ZIK1: variants seen among roughly 807,000 people sequenced by gnomAD.
ZIK1 encodes the protein zinc finger protein interacting with K protein 1, also known as zinc finger protein interacting with ribonucleoprotein K.
Under a neutral mutation model 10.7 loss-of-function variants are expected in ZIK1, and 12 were observed. That is an observed-to-expected ratio of 1.12 (90% CI 0.72 to 1.81). ZIK1 has a LOEUF of 1.81. Ranked by LOEUF, ZIK1 falls within the 40% of genes most tolerant of loss-of-function variation. The pLI, the probability that ZIK1 is intolerant of heterozygous loss-of-function variation, is 0.00. For missense variants in ZIK1, 497 were observed against 585.7 expected (o/e 0.85, Z 1.56); for synonymous variants, 190 against 205.0 (o/e 0.93, Z 0.63).
In ZIK1 at chr19:57,589,721, T is replaced by C. The variant is rs78542220; in HGVS notation, c.200-290T>C. The C allele has an allele frequency of 9.5e-4, 931 of 983,800 alleles. 12 individuals are homozygous for C. In the African/African-American group the frequency reaches 0.015, roughly 16 times the overall value. The allele number at this position is 983,800 out of a possible 1,614,324, so 60.9% of individuals were successfully genotyped here. On this transcript the variant is annotated intron_variant, in intron 3 of 3. Transcript: ENST00000597850. ...AAGACTATGTGGTGAGTTTTAGGAA[T>C]TGGAAGGCTACTCAAGGATAATTTT...
intron 3 of ZIK1, 148 bp downstream of exon 3, chr19:57,588,813 C>T (rs2123423750): frequency 2.3e-6 from 2 of 855,594 alleles, no homozygotes; most frequent in East Asian, 3.2e-5. Flanking sequence ...CTGGGAACAC[C>T]TGCTGCCCAG....
chr19:57,593,177 G>A lies in ZIK1; in HGVS notation c.*1902G>A, dbSNP rs1979846289. ...CTGCCTCAGCCTCCTGAGAAGCTAG[G>A]ACTACAGGCATGCACTACCACGCCC... On this transcript the variant is annotated 3_prime_UTR_variant, in exon 4 of 4. Transcript: ENST00000597850. The A allele has an allele frequency of 7.4e-6, 1 of 134,624 alleles. No homozygotes were observed. Among genetic ancestry groups the A allele is most frequent in the South Asian group, 2.2e-4 (1 of 4,464 alleles). 8.3% of individuals were successfully genotyped at this position (134,624 alleles called of 1,614,324 possible). A position where few individuals can be genotyped will look rare whatever the true frequency, so the allele number is the denominator to read the frequency against.
chr19:57,589,174 G>A, intron 3 of ZIK1: 1 of 733,354 alleles, frequency 1.4e-6, no homozygotes. Flanking sequence ...TGTCTTTCTG[G>A]TAGGACTTGG....
intron 2 of ZIK1, among the ~76,000 whole-genome samples, chr19:57,587,670 T>C (rs997180419): frequency 2.0e-5 from 3 of 152,158 alleles, no homozygotes; most frequent in African/African-American, 7.2e-5. Flanking sequence ...CCACCCAGTT[T>C]GTGGTATTAT....
In ZIK1 at chr19:57,588,596, C is replaced by G; in HGVS notation, c.130C>G (p.Leu44Val). ...CTTCTCACAGGACGAGTGGGGACTT[C>G]TTGATGAGGCTCAGAGACTCCTGTA... ...IYFSQDEWGL[L>V]DEAQRLLYLE... The change falls in exon 3 of 4, where the codon CTT (leucine) becomes GTT (valine). Residue 44 changes from leucine (L) to valine (V), a missense_variant. Coordinates refer to ENST00000597850, the MANE Select transcript of ZIK1 (RefSeq NM_001010879.4). 1 of 1,585,236 alleles carries G rather than the reference C, an allele frequency of 6.3e-7. No individual in the cohort carries two copies. The highest frequency in any genetic ancestry group is 1.7e-4 in the Middle Eastern group (1 of 5,946).
rs190519037 is a variant in ZIK1, at chr19:57,585,933, A to G, written c.72+943A>G. Among the ~76,000 whole-genome samples, 256 of 139,964 alleles carry G rather than the reference A, an allele frequency of 1.8e-3. 2 individuals are homozygous for G. Among genetic ancestry groups the G allele is most frequent in the African/African-American group, 6.3e-3 (234 of 37,160 alleles). 91.8% of individuals were successfully genotyped at this position (139,964 alleles called of 152,430 possible). On this transcript the variant is annotated intron_variant, in intron 2 of 3. Coordinates refer to ENST00000597850, the MANE Select transcript of ZIK1 (RefSeq NM_001010879.4). Reference sequence around the variant, plus strand: ...TCTTTAGTAGAGACAGGGTTTCACCATGTTGGCCAGGCTGGTCTCAAACTC... The same window carrying G: ...TCTTTAGTAGAGACAGGGTTTCACCGTGTTGGCCAGGCTGGTCTCAAACTC...
At position 57,590,718 on chromosome 19, in the gene ZIK1, T is replaced by C. The variant is rs1421482271; in HGVS notation, c.907T>C (p.Leu303=). 1 of 1,613,968 alleles carries C rather than the reference T, an allele frequency of 6.2e-7. No individual in the cohort carries two copies. The highest frequency in any genetic ancestry group is 1.3e-5 in the African/African-American group (1 of 74,896). Reference sequence around the variant, plus strand: ...TTATGAGTGCAGCGAATGTGGAAAATTATTTAGACAAAACTCCAGCCTTGT... The same window carrying C: ...TTATGAGTGCAGCGAATGTGGAAAACTATTTAGACAAAACTCCAGCCTTGT... ...RPYECSECGK[L]FRQNSSLVDH... is the part of the protein sequence containing the mutation. Residue 303 remains leucine (L), a synonymous_variant, in exon 4 of 4, where the codon TTA becomes CTA. Transcript: ENST00000597850.
At chr19:57,587,675 T>C (rs756176659) in intron 2 of ZIK1, among the ~76,000 whole-genome samples, 2 of 152,150 alleles carry the variant, frequency 1.3e-5, no homozygotes, top group Non-Finnish European at 2.9e-5. Context: ...CAGTTTGTGG[T>C]ATTATGCTAG....
chr19:57,584,453 C>T (rs996699421), intron 1 of ZIK1, 64 bp downstream of exon 1: 2 of 1,563,652 alleles, frequency 1.3e-6, no homozygotes, highest in Admixed American at 1.8e-5. Context: ...TGGGTCACTA[C>T]GGTCGAGATC....
At chr19:57,589,008 C>T (rs1382183380) in intron 3 of ZIK1, among the ~76,000 whole-genome samples, 1 of 152,130 alleles carries the variant, frequency 6.6e-6, no homozygotes, top group East Asian at 1.9e-4. Context: ...TGATTGTAGT[C>T]ATTGTCATTG....
chr19:57,591,377 G>A lies in ZIK1; in HGVS notation c.*102G>A. The A allele has an allele frequency of 3.4e-6, 4 of 1,173,430 alleles. No homozygotes were observed. Among genetic ancestry groups the A allele is most frequent in the Non-Finnish European group, 4.8e-6 (4 of 840,530 alleles). 72.7% of individuals were successfully genotyped at this position (1,173,430 alleles called of 1,614,324 possible). A position where few individuals can be genotyped will look rare whatever the true frequency, so the allele number is the denominator to read the frequency against. On this transcript the variant is annotated 3_prime_UTR_variant, in exon 4 of 4. Transcript: ENST00000597850. ...CTTAAGTAGAGCCTTAGACCTACAG[G>A]GAAAGTGCTGTCTCTGTAGTATTGT... is the stretch of plus-strand genomic sequence containing the variant.
At chr19:57,589,584 A>G in intron 3 of ZIK1, 1 of 985,118 alleles carries the variant, frequency 1.0e-6, no homozygotes, top group Middle Eastern at 5.2e-4. Flanking sequence ...GACCACATGA[A>G]GATATGTGAT....
At position 57,590,278 on chromosome 19, in the gene ZIK1, A is replaced by G. The variant is rs747499480; in HGVS notation, c.467A>G (p.Lys156Arg). 1.9e-6 allele frequency: 3 copies of G among 1,614,236 alleles called. No individual in the cohort carries two copies. The highest frequency in any genetic ancestry group is 2.5e-6 in the Non-Finnish European group (3 of 1,180,040). ...GACATGGACAGAGCCTCATATGTGA[A>G]GTGCTGCCTATTCTGTATGTCATTG... ...KRDMDRASYV[K>R]CCLFCMSLKP... The change falls in exon 4 of 4, where the codon AAG (lysine) becomes AGG (arginine). Residue 156 changes from lysine (K) to arginine (R), a missense_variant. Physicochemically the swap from Lys to Arg is conservative, Grantham distance 26. Coordinates refer to ENST00000597850, the MANE Select transcript of ZIK1 (RefSeq NM_001010879.4).
In ZIK1 at chr19:57,590,804, C is replaced by A; in HGVS notation, c.993C>A (p.Ser331=). The A allele has an allele frequency of 6.2e-7, 1 of 1,614,178 alleles. No individual in the cohort carries two copies. The highest frequency in any genetic ancestry group is 1.1e-5 in the South Asian group (1 of 91,086). The change falls in exon 4 of 4, where the codon TCC becomes TCA. Residue 331 remains serine, a synonymous_variant. Transcript: ENST00000597850. ...RPYECSQCGK[S]FSQKATLVKH... ...ATGAGTGTAGCCAGTGTGGGAAATC[C>A]TTTAGCCAAAAAGCCACCCTTGTTA...
chr19:57,587,324 G>C (rs1979254089), intron 2 of ZIK1, among the ~76,000 whole-genome samples: 1 of 152,166 alleles, frequency 6.6e-6, no homozygotes, highest in Non-Finnish European at 1.5e-5. Flanking sequence ...AGAAATAATT[G>C]GTAGAAGATG....
Position 57,584,286 on chromosome 19 carries a change from G to T in ZIK1, c.-71G>T. On this transcript the variant is annotated 5_prime_UTR_variant, in exon 1 of 4. Transcript: ENST00000597850. The stretch of plus-strand genomic sequence containing the variant: ...GGTTCTAAGGGTCGGCGGCGGCGGG[G>T]TTGACGGCTTTGCCTAGGTCCCTCC... The T allele has an allele frequency of 1.3e-6, 2 of 1,530,098 alleles. No individual in the cohort carries two copies. The highest frequency in any genetic ancestry group is 1.9e-4 in the Middle Eastern group (1 of 5,380). The allele number at this position is 1,530,098 out of a possible 1,614,324, so 94.8% of individuals were successfully genotyped here.
intron 2 of ZIK1, among the ~76,000 whole-genome samples, chr19:57,586,049 G>A (rs144487408): frequency 2.0e-5 from 3 of 152,072 alleles, no homozygotes; most frequent in Non-Finnish European, 2.9e-5. Flanking sequence ...TTTTCATTAA[G>A]GATAACAGGA....
intron 1 of ZIK1, 81 bp from the exon 2 acceptor site, chr19:57,584,871 C>G (rs1324147414): frequency 6.6e-7 from 1 of 1,526,498 alleles, no homozygotes; most frequent in East Asian, 2.3e-5. Context: ...CTGGCTCTGG[C>G]CTGGACAGGA....
Position 57,584,954 on chromosome 19 carries a change from T to A in ZIK1, c.36T>A (p.Val12=), listed in dbSNP as rs773795182. The A allele has an allele frequency of 6.2e-7, 1 of 1,614,014 alleles. No individual in the cohort carries two copies. The highest frequency in any genetic ancestry group is 1.1e-5 in the South Asian group (1 of 91,048). The change falls in exon 2 of 4, where the codon GTT becomes GTA. Residue 12 remains valine, a splice_region_variant and synonymous_variant. Coordinates refer to ENST00000597850, the MANE Select transcript of ZIK1 (RefSeq NM_001010879.4). The part of the protein sequence containing the change: ...AAAALRAPTQ[V]TVSPETHMDL... ...TCATGATCTTTGGCTTTCCACAGGT[T>A]ACTGTGTCTCCAGAAACACATATGG...
Sources: allele counts gnomAD v4.1 joint callset (sites outside exome capture counted in the v4.1 genomes callset), GRCh38; gene constraint gnomAD v4.1.1; transcripts MANE v1.5; gene names NCBI Gene and HGNC (gene_info 2026-07-23, HGNC 2026-07-21).